Variants in GK5 observed in about 807,000 individuals in gnomAD.
The protein encoded by GK5 is ATP:glycerol 3-phosphotransferase 5.
Under a neutral mutation model 77.3 loss-of-function variants are expected in GK5, and 39 were observed. The observed-to-expected ratio is 0.50, with a 90% confidence interval of 0.39 to 0.66. GK5 has a LOEUF of 0.66. GK5 is among the 30% of genes least tolerant of loss of function. The pLI is 0.00. For synonymous variants in GK5, 211 were observed against 208.0 expected, an observed-to-expected ratio of 1.01 and a Z score of -0.13; for missense variants, 487 against 633.8, an observed-to-expected ratio of 0.77 and a Z score of 2.49.
intron 12 of GK5, among the ~76,000 whole-genome samples, chr3:142,176,658 ATTTTTTTTTT>A (rs1219207632): frequency 1.9e-5 from 2 of 105,196 alleles, no homozygotes; most frequent in African/African-American, 7.6e-5. Context: ...GGAGATTTTG[ATTTTTTTTTT>A]TTTTTTTTTT....
At chr3:142,204,316 AATG>A (rs1345570714) in intron 4 of GK5, 1 of 294,636 alleles carries the variant, frequency 3.4e-6, no homozygotes, top group East Asian at 9.0e-5. Flanking sequence ...TCATGCCTGT[AATG>A]ATAAGAGCTT....
rs182187432 is a variant in GK5 at position 142,159,129 on chromosome 3, C to G, written c.*6493G>C. ...CTCCTGGGCTCAAGTGATCCTCCTGCCTCAATTGGCAAATGGGCAAAAGAT... is the reference window on the plus strand; with the variant it reads ...CTCCTGGGCTCAAGTGATCCTCCTGGCTCAATTGGCAAATGGGCAAAAGAT... On this transcript the variant is annotated 3_prime_UTR_variant, in exon 16 of 16. Transcript: ENST00000392993. 7.2e-5 allele frequency: 11 copies of G among 152,286 alleles called. No individual in the cohort carries two copies. In the East Asian group the frequency reaches 2.1e-3, roughly 29 times the overall value. The allele number at this position is 152,286 out of a possible 1,614,324, so 9.4% of individuals were successfully genotyped here.
At chr3:142,193,489 A>C (rs573511138) in intron 5 of GK5, among the ~76,000 whole-genome samples, 335 of 151,660 alleles carry the variant, frequency 2.2e-3, no homozygotes, top group African/African-American at 7.1e-3. Flanking sequence ...GCTACAAAAA[A>C]AAAAAAACAA....
chr3:142,179,255 A>T (rs1397966711), intron 11 of GK5, among the ~76,000 whole-genome samples: 4 of 152,270 alleles, frequency 2.6e-5, no homozygotes, highest in Admixed American at 1.3e-4. Flanking sequence ...ACTCAAGTTA[A>T]TGAGGATCAC....
rs2063763288 is a variant in GK5, at chr3:142,185,865, A to G, written c.816+64T>C. The G allele has an allele frequency of 2.6e-6, 4 of 1,549,346 alleles. No individual in the cohort carries two copies. The Admixed American group carries it at 8.0e-5, about 31-fold the overall frequency. ...TCTGTTTCTCTTAAAGCTAGTCTCA[A>G]TTATTAATACATATTACTTTAGTTT... On this transcript the variant is annotated intron_variant, in intron 9 of 15. Coordinates refer to ENST00000392993, the MANE Select transcript of GK5 (RefSeq NM_001039547.3).
rs571746922 is a variant in GK5 at position 142,162,419 on chromosome 3, C to A, written c.*3203G>T. On this transcript the variant is annotated 3_prime_UTR_variant, in exon 16 of 16. Transcript: ENST00000392993. ...CATCCTATAAAGTACAGCATAGCAT[C>A]CCAAAATAAAGATTTATCCAGTCCA... 3.5e-4 allele frequency: 54 copies of A among 152,136 alleles called. No homozygotes were observed. The highest frequency in any genetic ancestry group is 1.3e-3 in the African/African-American group (53 of 41,488). 9.4% of individuals were successfully genotyped at this position (152,136 alleles called of 1,614,324 possible).
At chr3:142,212,307 G>A (rs1170937970) in intron 3 of GK5, among the ~76,000 whole-genome samples, 1 of 152,090 alleles carries the variant, frequency 6.6e-6, no homozygotes, top group African/African-American at 2.4e-5. Flanking sequence ...GGCTGAGGTG[G>A]AAGAATTGCT....
chr3:142,213,165 T>C (rs981090078), intron 3 of GK5, among the ~76,000 whole-genome samples: 1 of 152,224 alleles, frequency 6.6e-6, no homozygotes, highest in Non-Finnish European at 1.5e-5. Context: ...TAGAGTAGAC[T>C]GAAAATATAA....
intron 3 of GK5, among the ~76,000 whole-genome samples, chr3:142,210,269 AAAC>A (rs1260744595): frequency 1.3e-5 from 2 of 152,196 alleles, no homozygotes; most frequent in Non-Finnish European, 1.5e-5. Context: ...AGGAGGAAAA[AAAC>A]AACAAGCTGG....
intron 6 of GK5, among the ~76,000 whole-genome samples, chr3:142,186,988 GA>G (rs1356848310): frequency 6.6e-6 from 1 of 152,028 alleles, no homozygotes; most frequent in Non-Finnish European, 1.5e-5. Flanking sequence ...TAATATTTAT[GA>G]ACTTTTATAG....
chr3:142,205,497 T>A (rs76005926), intron 3 of GK5, among the ~76,000 whole-genome samples: 7,196 of 152,246 alleles, frequency 0.047, 297 homozygotes, highest in East Asian at 0.14. Flanking sequence ...TCCTCACCTT[T>A]ACATGGTCTA....
intron 11 of GK5, among the ~76,000 whole-genome samples, chr3:142,180,798 A>T (rs1031031962): frequency 6.6e-6 from 1 of 152,216 alleles, no homozygotes; most frequent in African/African-American, 2.4e-5. Flanking sequence ...AAAAGGTACC[A>T]GGGAGATTAC....
rs987435757 is a variant in GK5, at chr3:142,163,943, T to A, written c.*1679A>T. On this transcript the variant is annotated 3_prime_UTR_variant, in exon 16 of 16. Transcript: ENST00000392993. ...TGATAGGAAAGCTTTAATTGGTGACTAAGCTTTGTAAAAAGGATGTAAACA... is the reference window on the plus strand; with the variant it reads ...TGATAGGAAAGCTTTAATTGGTGACAAAGCTTTGTAAAAAGGATGTAAACA... 6.6e-6 allele frequency: 1 copy of A among 152,098 alleles called. No homozygotes were observed. Among genetic ancestry groups the A allele is most frequent in the African/African-American group, 2.4e-5 (1 of 41,418 alleles). The allele number at this position is 152,098 out of a possible 1,614,324, so 9.4% of individuals were successfully genotyped here. A position where few individuals can be genotyped will look rare whatever the true frequency, so the allele number is the denominator to read the frequency against.
chr3:142,202,138 C>A, intron 4 of GK5, among the ~76,000 whole-genome samples: 1 of 152,022 alleles, frequency 6.6e-6, no homozygotes, highest in East Asian at 1.9e-4. Context: ...CTTTAGCAAC[C>A]TCAGGGAGAA....
chr3:142,186,869 G>A (rs1362523363), intron 6 of GK5, among the ~76,000 whole-genome samples: 2 of 151,980 alleles, frequency 1.3e-5, no homozygotes, highest in Admixed American at 1.3e-4. Context: ...AACCTCAAGT[G>A]ATCCGCCCGC....
chr3:142,215,740 A>G (rs1268682043), intron 1 of GK5, 48 bp from the exon 2 acceptor site: 4 of 861,510 alleles, frequency 4.6e-6, no homozygotes, highest in African/African-American at 1.7e-5. Context: ...GATCAAGTCA[A>G]TAGTATGGGT....
chr3:142,205,224 T>C, intron 3 of GK5, among the ~76,000 whole-genome samples: 1 of 152,192 alleles, frequency 6.6e-6, no homozygotes, highest in South Asian at 2.1e-4. Flanking sequence ...CTAACATGCT[T>C]ACCAAAATCT....
At chr3:142,183,894 C>T (rs559819010) in intron 9 of GK5, among the ~76,000 whole-genome samples, 71 of 152,130 alleles carry the variant, frequency 4.7e-4, no homozygotes, top group Middle Eastern at 3.4e-3. Context: ...CCACCATGCC[C>T]GGCCTGCCTT....
At chr3:142,188,820 ATAT>A (rs1365933480) in intron 5 of GK5, among the ~76,000 whole-genome samples, 1 of 152,192 alleles carries the variant, frequency 6.6e-6, no homozygotes, top group Non-Finnish European at 1.5e-5. Flanking sequence ...AAAGCCTAAA[ATAT>A]TATTAACAGG....
Sources: gnomAD v4.1 joint callset for allele counts (sites outside exome capture counted in the v4.1 genomes callset) on GRCh38, gnomAD v4.1.1 for gene constraint, MANE v1.5 for transcripts, NCBI Gene and HGNC (gene_info 2026-07-23, HGNC 2026-07-21) for gene names.